The following HS3ST5 variants were observed in gnomAD, a reference collection of about 807,000 sequenced individuals.
HS3ST5 encodes heparan sulfate glucosamine 3-O-sulfotransferase 5.
In HS3ST5, 10 loss-of-function variants were observed where a neutral mutation model predicts 25.4. That is an observed-to-expected ratio of 0.39 (90% CI 0.24 to 0.67). The LOEUF (loss-of-function observed/expected upper bound fraction) is 0.67, where lower values mean the gene tolerates loss of function less well. Ranked by LOEUF, HS3ST5 falls within the 30% of genes least tolerant of loss-of-function variation. HS3ST5 has a pLI of 0.44. For missense variants in HS3ST5, 324 were observed against 420.7 expected (o/e 0.77, Z 2.01); for synonymous variants, 170 against 162.4 (o/e 1.05, Z -0.36).
intron 1 of HS3ST5, among the ~76,000 whole-genome samples, chr6:114,241,668 C>G (rs1772134019): frequency 6.6e-6 from 1 of 152,098 alleles, no homozygotes; most frequent in Non-Finnish European, 1.5e-5. Context: ...ATAGTGATGA[C>G]TTTTTATAAG....
At chr6:114,075,219 GTTCAGGCGCA>G (rs1488338166) in intron 3 of HS3ST5, among the ~76,000 whole-genome samples, 1 of 152,232 alleles carries the variant, frequency 6.6e-6, no homozygotes, top group Non-Finnish European at 1.5e-5. Flanking sequence ...TCTCATGAGA[GTTCAGGCGCA>G]TTCAGGGTGA....
chr6:114,314,842 T>C (rs1775684969), intron 1 of HS3ST5, among the ~76,000 whole-genome samples: 1 of 152,176 alleles, frequency 6.6e-6, no homozygotes, highest in Admixed American at 6.5e-5. Context: ...CTCAGAAGTT[T>C]TAGATTTAAG....
At chr6:114,225,665 A>G (rs141359216) in intron 2 of HS3ST5, among the ~76,000 whole-genome samples, 54 of 152,032 alleles carry the variant, frequency 3.6e-4, no homozygotes, top group African/African-American at 1.2e-3. Flanking sequence ...GTCACATAAA[A>G]GAATGTATCT....
chr6:114,284,730 A>G (rs1010861137), intron 1 of HS3ST5, among the ~76,000 whole-genome samples: 1 of 151,978 alleles, frequency 6.6e-6, no homozygotes, highest in Non-Finnish European at 1.5e-5. Flanking sequence ...TTGTAGAGGT[A>G]AAAAGTGAAT....
chr6:114,204,158 G>T (rs762165213), intron 2 of HS3ST5, among the ~76,000 whole-genome samples: 23 of 152,184 alleles, frequency 1.5e-4, no homozygotes, highest in Non-Finnish European at 2.9e-4. Context: ...TTCAGGTGTG[G>T]TTACATTCTT....
At chr6:114,165,557 A>T (rs1779166955) in intron 3 of HS3ST5, among the ~76,000 whole-genome samples, 1 of 152,180 alleles carries the variant, frequency 6.6e-6, no homozygotes, top group Admixed American at 6.5e-5. Flanking sequence ...TATTTCACAA[A>T]TAAAATATCT....
chr6:114,215,238 G>A (rs913336048), intron 2 of HS3ST5, among the ~76,000 whole-genome samples: 5 of 152,192 alleles, frequency 3.3e-5, no homozygotes, highest in African/African-American at 7.2e-5. Context: ...TCCGGGAGGC[G>A]GAGCTTCCAG....
chr6:114,116,578 C>T (rs1432952839), intron 3 of HS3ST5, among the ~76,000 whole-genome samples: 2 of 152,122 alleles, frequency 1.3e-5, no homozygotes, highest in Admixed American at 6.6e-5. Context: ...TCTCCAAGAG[C>T]ATTAAGAATA....
intron 2 of HS3ST5, among the ~76,000 whole-genome samples, chr6:114,204,295 C>A (rs1450835487): frequency 1.3e-5 from 2 of 152,138 alleles, no homozygotes; most frequent in East Asian, 1.9e-4. Flanking sequence ...TTCTTCAGTT[C>A]AGCATGTCAA....
chr6:114,093,979 A>T (rs1183648032), intron 3 of HS3ST5, among the ~76,000 whole-genome samples: 1 of 152,178 alleles, frequency 6.6e-6, no homozygotes, highest in Non-Finnish European at 1.5e-5. Flanking sequence ...ATAAAAATTC[A>T]ATCTTGAATA....
intron 3 of HS3ST5, among the ~76,000 whole-genome samples, chr6:114,134,677 G>T (rs979530981): frequency 6.6e-6 from 1 of 152,180 alleles, no homozygotes. Context: ...AGCTCCTCAG[G>T]TGATTCTAGT....
chr6:114,235,089 C>T (rs554887444), intron 1 of HS3ST5, among the ~76,000 whole-genome samples: 152 of 152,262 alleles, frequency 1.0e-3, no homozygotes, highest in African/African-American at 3.6e-3. Flanking sequence ...TGCCACTGCA[C>T]TCCAGCCTGG....
rs144094472 is a variant in HS3ST5 at position 114,057,958 on chromosome 6, G to C, written c.340C>G (p.Pro114Ala). The part of the protein sequence containing the change: ...RALLEMLNLH[P>A]AVVKASQEIH... ...TCTTGAGAGGCTTTGACTACTGCCG[G>C]ATGTAGGTTCAGCATTTCAAGCAGG... Residue 114 changes from proline to alanine, a missense_variant, in exon 5 of 5, where the codon CCG becomes GCG. Pro to Ala is a conservative substitution (Grantham distance 27, BLOSUM62 -1). Around this residue, in one of 2 missense-constraint regions of HS3ST5, gnomAD observed 203 missense variants for 303.4 expected, o/e 0.67. Coordinates refer to ENST00000312719, the MANE Select transcript of HS3ST5 (RefSeq NM_153612.4). The C allele has an allele frequency of 6.2e-7, 1 of 1,614,182 alleles. No individual in the cohort carries two copies. Among genetic ancestry groups the C allele is most frequent in the South Asian group, 1.1e-5 (1 of 91,072 alleles).
intron 1 of HS3ST5, among the ~76,000 whole-genome samples, chr6:114,264,193 T>C (rs1773303160): frequency 6.6e-6 from 1 of 152,214 alleles, no homozygotes; most frequent in South Asian, 2.1e-4. Flanking sequence ...ATGCAGATAA[T>C]ACATAATTTA....
chr6:114,317,305 G>A (rs1775781578), intron 1 of HS3ST5, among the ~76,000 whole-genome samples: 1 of 152,120 alleles, frequency 6.6e-6, no homozygotes, highest in East Asian at 1.9e-4. Flanking sequence ...TTCTCATGTA[G>A]AAGTGCCCTT....
At chr6:114,117,809 C>T (rs540092353) in intron 3 of HS3ST5, among the ~76,000 whole-genome samples, 2 of 152,124 alleles carry the variant, frequency 1.3e-5, no homozygotes, top group Non-Finnish European at 2.9e-5. Flanking sequence ...GACATCTCTG[C>T]CCTGTATAAC....
intron 1 of HS3ST5, among the ~76,000 whole-genome samples, chr6:114,325,170 G>A (rs1188053477): frequency 1.3e-5 from 2 of 152,142 alleles, no homozygotes; most frequent in African/African-American, 4.8e-5. Context: ...TAAGAAATTT[G>A]GCTTGAGGCT....
At chr6:114,229,756 C>G (rs1202553672) in intron 1 of HS3ST5, among the ~76,000 whole-genome samples, 1 of 152,184 alleles carries the variant, frequency 6.6e-6, no homozygotes, top group African/African-American at 2.4e-5. Flanking sequence ...CTTCTCTTCT[C>G]TCTTTCACAC....
At position 114,242,382 on chromosome 6, in the gene HS3ST5, TAAA is replaced by T. The variant is rs1772169700; in HGVS notation, c.-338-13607_-338-13605del. Among the ~76,000 whole-genome samples the T allele has an allele frequency of 5.3e-5, 8 of 152,258 alleles. No individual in the cohort carries two copies. The South Asian group carries it at 6.2e-4, about 12-fold the overall frequency. On this transcript the variant is annotated intron_variant, in intron 1 of 4. Coordinates refer to ENST00000312719, the MANE Select transcript of HS3ST5 (RefSeq NM_153612.4). ...GTATTTCCATTAAACAGCACTTGTG[TAAA>T]AAATTATTATTATATGTTAAATGAA... is the stretch of plus-strand genomic sequence containing the variant.
Sources: gnomAD v4.1 joint callset for allele counts (sites outside exome capture counted in the v4.1 genomes callset) on GRCh38, gnomAD v4.1.1 for gene constraint, gnomAD v4.1.1 regional missense constraint, MANE v1.5 for transcripts, NCBI Gene and HGNC (gene_info 2026-07-23, HGNC 2026-07-21) for gene names.